TRIM10: variants seen among roughly 807,000 people sequenced by gnomAD.
TRIM10 encodes the protein tripartite motif-containing protein 10.
TRIM10 carries 42 observed loss-of-function variants against 40.0 expected under a neutral mutation model. That is an observed-to-expected ratio of 1.05 (90% CI 0.82 to 1.36). TRIM10 has a LOEUF of 1.36. TRIM10 is among the 40% of genes most tolerant of loss of function. The pLI is 0.00. For synonymous variants in TRIM10, 260 were observed against 239.5 expected (o/e 1.09, Z -0.79); for missense variants, 601 against 608.3 (o/e 0.99, Z 0.13).
At chr6:30,155,639 A>G in intron 6 of TRIM10, 88 bp downstream of exon 6, 2 of 1,200,118 alleles carry the variant, frequency 1.7e-6, no homozygotes, top group Non-Finnish European at 2.4e-6. Flanking sequence ...TGTCATAGTC[A>G]TAACATAGTC....
upstream of TRIM10, chr6:30,163,148 C>T (rs888308139): frequency 1.9e-5 from 3 of 157,022 alleles, no homozygotes; most frequent in African/African-American, 4.8e-5. Flanking sequence ...GAAACAGCGT[C>T]CCGCCCACAC....
At position 30,160,722 on chromosome 6, in the gene TRIM10, A is replaced by G; in HGVS notation, c.137T>C (p.Ile46Thr). The G allele has an allele frequency of 6.2e-7, 1 of 1,614,188 alleles. No individual in the cohort carries two copies. Among genetic ancestry groups the G allele is most frequent in the Non-Finnish European group, 8.5e-7 (1 of 1,180,018 alleles). The change falls in exon 1 of 7, where the codon ATA (isoleucine) becomes ACA (threonine). Residue 46 changes from isoleucine (I) to threonine (T), a missense_variant. Transcript: ENST00000449742. ...CRACLTRYCE[I>T]PGPDLEESPT... ...GGACTCCTCCAGGTCTGGGCCTGGT[A>G]TCTCACAGTAGCGGGTAAGGCAGGC...
chr6:30,157,657 C>CTTTTT (rs9278596), intron 3 of TRIM10, among the ~76,000 whole-genome samples: 66 of 77,832 alleles, frequency 8.5e-4, no homozygotes, highest in Admixed American at 1.5e-3. Flanking sequence ...GGCTAATTTT[C>CTTTTT]TTTTTTTTTT....
rs757631272 is a variant in TRIM10, at chr6:30,155,757, T to A, written c.898A>T (p.Lys300Ter). 2.5e-6 allele frequency: 4 copies of A among 1,613,288 alleles called. No individual in the cohort carries two copies. The highest frequency in any genetic ancestry group is 3.4e-6 in the Non-Finnish European group (4 of 1,179,822). Residue 300 changes from lysine (K) to a stop codon, truncating the protein, a stop_gained and splice_region_variant, in exon 6 of 7, where the codon AAA becomes TAA. Coordinates refer to ENST00000449742, the MANE Select transcript of TRIM10 (RefSeq NM_006778.4). LOFTEE classifies it low-confidence loss of function (END_TRUNC). ...TCATAGTCCAACTCAAAGCATAGTT[T>A]TTCTGTAAAGAAAATAAACCAGGAT... ...LQREMKMFLE[K>*]LCFELDYEPA...
Position 30,154,031 on chromosome 6 carries a change from T to C in TRIM10, c.1384A>G (p.Arg462Gly). ...AGCCCAAAGAAGGGAATGACCTTCC[T>C]AGTGAAGGAGGCAGTGAAGGTGTAG... ...PIYTFTASFTRKVIPFFGLWG... is the reference protein window; with the variant it reads ...PIYTFTASFTGKVIPFFGLWG... Residue 462 changes from arginine to glycine, a missense_variant, in exon 7 of 7, where the codon AGG becomes GGG. Arg to Gly is a moderately radical substitution (Grantham distance 125). Transcript: ENST00000449742. 1 of 1,611,572 alleles carries C rather than the reference T, an allele frequency of 6.2e-7. No homozygotes were observed. Among genetic ancestry groups the C allele is most frequent in the East Asian group, 2.2e-5 (1 of 44,840 alleles).
Position 30,154,016 on chromosome 6 carries a change from A to C in TRIM10, c.1399T>G (p.Phe467Val). ...TASFTRKVIP[F>V]FGLWGRGSSF... The stretch of plus-strand genomic sequence containing the variant: ...GACCCTCGGCCCCAGAGCCCAAAGA[A>C]GGGAATGACCTTCCTAGTGAAGGAG... Residue 467 changes from phenylalanine to valine, a missense_variant, in exon 7 of 7, where the codon TTC becomes GTC. Phe to Val is a conservative substitution (Grantham distance 50). Coordinates refer to ENST00000449742, the MANE Select transcript of TRIM10 (RefSeq NM_006778.4). 1 of 1,609,160 alleles carries C rather than the reference A, an allele frequency of 6.2e-7. No individual in the cohort carries two copies. Among genetic ancestry groups the C allele is most frequent in the Non-Finnish European group, 8.5e-7 (1 of 1,176,828 alleles).
Position 30,157,023 on chromosome 6 carries a change from C to A in TRIM10, c.811G>T (p.Ala271Ser), listed in dbSNP as rs1048582100. Residue 271 changes from alanine (A) to serine (S), a missense_variant, in exon 5 of 7, where the codon GCT (alanine) becomes TCT (serine). Coordinates refer to ENST00000449742, the MANE Select transcript of TRIM10 (RefSeq NM_006778.4). Reference protein sequence around the residue: ...CETRKCRKPVAVSPELGQRIR... With the variant: ...CETRKCRKPVSVSPELGQRIR... ...CTCTGGCCCAGCTCTGGCGACACAGCCACCGGTTTCCGGCACTTTCTGGTT... is the reference window on the plus strand; with the variant it reads ...CTCTGGCCCAGCTCTGGCGACACAGACACCGGTTTCCGGCACTTTCTGGTT... 2 of 1,613,064 alleles carry A rather than the reference C, an allele frequency of 1.2e-6. No homozygotes were observed. The highest frequency in any genetic ancestry group is 1.7e-6 in the Non-Finnish European group (2 of 1,180,026).
At chr6:30,163,981 G>A, upstream of TRIM10, 1 of 1,613,146 alleles carries the variant, frequency 6.2e-7, no homozygotes, top group African/African-American at 1.3e-5. Context: ...ACGATGCCGA[G>A]TTCCTCTGTG....
chr6:30,163,643 G>C (rs1171562674), upstream of TRIM10: 2 of 1,562,326 alleles, frequency 1.3e-6, no homozygotes, highest in African/African-American at 2.7e-5. Flanking sequence ...AACTCGCGTG[G>C]GCTGAGGAGA....
Position 30,154,213 on chromosome 6 carries a change from C to T in TRIM10, c.1202G>A (p.Gly401Glu), listed in dbSNP as rs772058252. ...CCAAGCCAGCCTCACAGCCCACACC[C>T]CCTCCTCTGGCCGCAGCCGAAGCTC... is the stretch of plus-strand genomic sequence containing the variant. ...KGELRLRPEE[G>E]VWAVRLAWGF... is the part of the protein sequence containing the mutation. Residue 401 changes from glycine (G) to glutamate (E), a missense_variant, in exon 7 of 7, where the codon GGG (glycine) becomes GAG (glutamate). By Grantham distance (98) the Gly-to-Glu change is moderately conservative (BLOSUM62 -2). Transcript: ENST00000449742. 5.0e-6 allele frequency: 8 copies of T among 1,612,742 alleles called. No individual in the cohort carries two copies. The highest frequency in any genetic ancestry group is 1.7e-4 in the Middle Eastern group (1 of 6,058).
In TRIM10 at chr6:30,155,382, T is replaced by C. The variant is rs148015884; in HGVS notation, c.928+345A>G. Among the ~76,000 whole-genome samples, 393 of 152,324 alleles carry C rather than the reference T, an allele frequency of 2.6e-3. 1 individual carries two copies. Among genetic ancestry groups the C allele is most frequent in the African/African-American group, 8.8e-3 (366 of 41,582 alleles). On this transcript the variant is annotated intron_variant, in intron 6 of 6. Transcript: ENST00000449742. ...CCAGAAAGCATTCCCAGATGGACTT[T>C]ATCCCATTCTGCATTAATCTTTCTA...
At position 30,153,561 on chromosome 6, in the gene TRIM10, A is replaced by G. The variant is rs1328491859; in HGVS notation, c.*408T>C. 3.6e-6 allele frequency: 3 copies of G among 836,866 alleles called. No homozygotes were observed. The Admixed American group carries it at 6.8e-5, about 19-fold the overall frequency. The allele number at this position is 836,866 out of a possible 1,614,324, so 51.8% of individuals were successfully genotyped here. On this transcript the variant is annotated 3_prime_UTR_variant, in exon 7 of 7. Coordinates refer to ENST00000449742, the MANE Select transcript of TRIM10 (RefSeq NM_006778.4). ...AAATGGTTCTAGAGAATGTGATTACATGAACTCTAACATTATTGGAAGAAA... is the reference window on the plus strand; with the variant it reads ...AAATGGTTCTAGAGAATGTGATTACGTGAACTCTAACATTATTGGAAGAAA...
At chr6:30,155,115 A>C (rs16897133) in intron 6 of TRIM10, among the ~76,000 whole-genome samples, 2,547 of 152,180 alleles carry the variant, frequency 0.017, 61 homozygotes, top group African/African-American at 0.051. Flanking sequence ...ATAAATTGAG[A>C]AGCTTCCATA....
chr6:30,160,771 C>T lies in TRIM10; in HGVS notation c.88G>A (p.Asp30Asn), dbSNP rs376722802. ...GCCCGGCAGAAGTTGTGGCCGCAGTCGATAGTGACCGGCTCCCTCAGGGTA... is the reference window on the plus strand; with the variant it reads ...GCCCGGCAGAAGTTGTGGCCGCAGTTGATAGTGACCGGCTCCCTCAGGGTA... ...QGTLREPVTI[D>N]CGHNFCRACL... The change falls in exon 1 of 7, where the codon GAC becomes AAC. Residue 30 changes from aspartate (D) to asparagine (N), a missense_variant. By Grantham distance (23) the Asp-to-Asn change is conservative. Coordinates refer to ENST00000449742, the MANE Select transcript of TRIM10 (RefSeq NM_006778.4). 18 of 1,613,990 alleles carry T rather than the reference C, an allele frequency of 1.1e-5. No individual in the cohort carries two copies. Among genetic ancestry groups the T allele is most frequent in the Non-Finnish European group, 1.2e-5 (14 of 1,180,034 alleles).
At chr6:30,156,027 G>A (rs968706573) in intron 5 of TRIM10, among the ~76,000 whole-genome samples, 1 of 152,180 alleles carries the variant, frequency 6.6e-6, no homozygotes, top group Non-Finnish European at 1.5e-5. Flanking sequence ...TGCTGCTGGT[G>A]GGAGCCCCAC....
chr6:30,157,272 GTGAGAA>G (rs1772633755), intron 4 of TRIM10, 91 bp downstream of exon 4: 1 of 1,278,210 alleles, frequency 7.8e-7, no homozygotes, highest in African/African-American at 1.5e-5. Context: ...GTATCCTTAA[GTGAGAA>G]TGTTATATAC....
Position 30,154,817 on chromosome 6 carries a change from G to T in TRIM10, c.929-331C>A, listed in dbSNP as rs571018301. 9.9e-6 allele frequency: 6 copies of T among 607,906 alleles called. No individual in the cohort carries two copies. The Admixed American group carries it at 1.3e-4, about 13-fold the overall frequency. The allele number at this position is 607,906 out of a possible 1,614,324, so 37.7% of individuals were successfully genotyped here. ...AGTTGGCTGGTTTCCAAAGCTGTGC[G>T]TGCCAGCTTGGATCTCCTGGGGCTG... On this transcript the variant is annotated intron_variant, in intron 6 of 6. Coordinates refer to ENST00000449742, the MANE Select transcript of TRIM10 (RefSeq NM_006778.4).
chr6:30,159,076 T>C, intron 2 of TRIM10, 74 bp downstream of exon 2: 1 of 970,890 alleles, frequency 1.0e-6, no homozygotes, highest in Admixed American at 1.8e-5. Context: ...CCCTATAATC[T>C]ATGTTGCCTC....
chr6:30,162,931 AAAATAAATAAATAAAT>A (rs9278598), upstream of TRIM10, among the ~76,000 whole-genome samples: 1,864 of 143,826 alleles, frequency 0.013, 35 homozygotes, highest in African/African-American at 0.038. Context: ...CGCTACAGTA[AAAATAAATAAATAAAT>A]AAATAAATAA....
Sources: allele counts gnomAD v4.1 joint callset (sites outside exome capture counted in the v4.1 genomes callset), GRCh38; gene constraint gnomAD v4.1.1; transcripts MANE v1.5; gene names NCBI Gene and HGNC (gene_info 2026-07-23, HGNC 2026-07-21).